GPR89B: variants seen among roughly 807,000 people sequenced by gnomAD.
GPR89B encodes the protein G protein-coupled receptor 89B.
In GPR89B, 25 loss-of-function variants were observed where a neutral mutation model predicts 52.4. The observed-to-expected ratio is 0.48, with a 90% CI of 0.35 to 0.67. GPR89B has a LOEUF of 0.67. Among genes scored for constraint, GPR89B ranks in the 30% least tolerant of loss-of-function variants. GPR89B has a pLI of 0.01. For synonymous variants in GPR89B, 52 were observed against 151.2 expected (o/e 0.34, Z 4.81); for missense variants, 146 against 450.2 (o/e 0.32, Z 6.11).
intron 5 of GPR89B, among the ~76,000 whole-genome samples, chr1:147,947,333 C>CAAA (rs1167267658): frequency 0.014 from 993 of 73,486 alleles, 3 homozygotes; most frequent in East Asian, 0.069. Context: ...GCGAGACTCT[C>CAAA]AAAAAAAAAA....
intron 7 of GPR89B, among the ~76,000 whole-genome samples, chr1:147,956,615 G>A (rs1656131506): frequency 4.6e-5 from 7 of 151,990 alleles, no homozygotes; most frequent in Admixed American, 4.6e-4. Context: ...GAAAGACCTG[G>A]ACACTGAAAA....
chr1:148,012,519 C>T, the GPR89B span, among the ~76,000 whole-genome samples: 1 of 150,672 alleles, frequency 6.6e-6, no homozygotes, highest in African/African-American at 2.5e-5. Context: ...CCCCGCAGCC[C>T]CCTCCTCTTT....
At chr1:147,936,478 A>T in intron 1 of GPR89B, 149 bp from the exon 2 acceptor site, 1 of 652,486 alleles carries the variant, frequency 1.5e-6, no homozygotes, top group Non-Finnish European at 2.7e-6. Context: ...ATGAGCTTTA[A>T]TAAGTAGGTC....
At chr1:147,983,484 AAAAC>A (rs1315428916) in intron 10 of GPR89B, among the ~76,000 whole-genome samples, 7 of 151,262 alleles carry the variant, frequency 4.6e-5, no homozygotes, top group South Asian at 2.1e-4. Context: ...TTACAAGAAA[AAAAC>A]AAACAACCCC....
the GPR89B span, among the ~76,000 whole-genome samples, chr1:148,017,037 C>CTTTCTT: frequency 4.0e-5 from 6 of 151,864 alleles, no homozygotes; most frequent in East Asian, 5.8e-4. Context: ...TGCTTTCTAT[C>CTTTCTT]TTTCTTTTTC....
chr1:148,025,731 TAAG>T, the GPR89B span: 1 of 138,288 alleles, frequency 7.2e-6, no homozygotes, highest in African/African-American at 2.8e-5. Context: ...GGTGTCCATA[TAAG>T]AAGAGGAAGG....
chr1:147,948,756 ATTTTTT>A (rs199854363), intron 5 of GPR89B, among the ~76,000 whole-genome samples: 30 of 138,298 alleles, frequency 2.2e-4, no homozygotes, highest in African/African-American at 8.0e-4. Context: ...AGATAAAATA[ATTTTTT>A]TTTTTTTTTT....
At chr1:147,977,233 CAAAAAAAAAAAAAAAAAAAA>C (rs1191631857) in intron 10 of GPR89B, among the ~76,000 whole-genome samples, 1 of 41,308 alleles carries the variant, frequency 2.4e-5, no homozygotes, top group Non-Finnish European at 4.2e-5. Flanking sequence ...GACTCCATCT[CAAAAAAAAAAAAAAAAAAAA>C]AAAAAAAAAC....
intron 5 of GPR89B, among the ~76,000 whole-genome samples, chr1:147,950,744 A>G (rs1275014733): frequency 1.3e-5 from 2 of 152,152 alleles, no homozygotes; most frequent in African/African-American, 4.8e-5. Flanking sequence ...CAGCCCGGCC[A>G]ACACAGTGAA....
Position 147,989,322 on chromosome 1 carries a change from C to T in GPR89B, c.1095+801C>T, listed in dbSNP as rs1193897117. 6.9e-3 allele frequency among the ~76,000 whole-genome samples: 1,044 copies of T among 152,248 alleles called. 7 individuals carry two copies. The highest frequency in any genetic ancestry group is 0.012 in the Admixed American group (179 of 15,296). On this transcript the variant is annotated intron_variant, in intron 12 of 13. Transcript: ENST00000314163. Reference sequence around the variant, plus strand: ...TTTCATTCAACATTTCATTATAATGCTGTGAGAAAAATGTAGTTTTGTTAT... The same window carrying T: ...TTTCATTCAACATTTCATTATAATGTTGTGAGAAAAATGTAGTTTTGTTAT...
chr1:147,979,971 A>G (rs1225213855), intron 10 of GPR89B, among the ~76,000 whole-genome samples: 1 of 151,414 alleles, frequency 6.6e-6, no homozygotes, highest in African/African-American at 2.4e-5. Flanking sequence ...CTGTGTTCCC[A>G]GCTACTCAGG....
chr1:147,928,782 T>C (rs1571206127), intron 1 of GPR89B: 3 of 470,212 alleles, frequency 6.4e-6, no homozygotes, highest in Non-Finnish European at 8.3e-6. Flanking sequence ...CCTGCGGCCG[T>C]CCGCGTCCCC....
At chr1:148,021,403 G>C in the GPR89B span, among the ~76,000 whole-genome samples, 3 of 151,918 alleles carry the variant, frequency 2.0e-5, no homozygotes, top group Non-Finnish European at 4.4e-5. Context: ...TCAGGAGGCC[G>C]AGGCGGGAGA....
the GPR89B span, among the ~76,000 whole-genome samples, chr1:148,006,961 C>T: frequency 4.7e-4 from 71 of 151,862 alleles, no homozygotes; most frequent in South Asian, 5.0e-3. Context: ...AGGTAATCCA[C>T]TCGCCTCGCA....
intron 5 of GPR89B, among the ~76,000 whole-genome samples, chr1:147,948,918 T>C (rs1655250566): frequency 6.6e-6 from 1 of 152,108 alleles, no homozygotes. Flanking sequence ...CCTTCCGCAG[T>C]GTTTGTGTCC....
rs1236670376 is a variant in GPR89B, at chr1:147,977,461, G to A, written c.909+7502G>A. On this transcript the variant is annotated intron_variant, in intron 10 of 13. Coordinates refer to ENST00000314163, the MANE Select transcript of GPR89B (RefSeq NM_016334.5). ...TGATCTTCTCATGGAGTATTTTACT[G>A]GAGTTCTCTGGATTTCCTGAATTTG... Among the ~76,000 whole-genome samples the A allele has an allele frequency of 1.1e-4, 16 of 151,762 alleles. No individual in the cohort carries two copies. The East Asian group carries it at 2.1e-3, about 20-fold the overall frequency.
At chr1:147,958,147 ACAGT>A (rs1484130220) in intron 7 of GPR89B, among the ~76,000 whole-genome samples, 7 of 151,856 alleles carry the variant, frequency 4.6e-5, no homozygotes, top group Admixed American at 2.0e-4. Context: ...GTCAGTAAAG[ACAGT>A]CAGTAAAGAC....
intron 5 of GPR89B, among the ~76,000 whole-genome samples, chr1:147,946,635 C>G (rs1349897267): frequency 2.6e-5 from 4 of 152,042 alleles, no homozygotes; most frequent in Non-Finnish European, 5.9e-5. Context: ...GTCTCACATG[C>G]ACTACAAAGA....
downstream of GPR89B, chr1:147,995,638 T>TATTC (rs1659299004): frequency 6.2e-7 from 1 of 1,609,036 alleles, no homozygotes; most frequent in Non-Finnish European, 8.5e-7. Context: ...ACTCCACCAC[T>TATTC]ATTCCTTCTT....
Sources: allele counts gnomAD v4.1 joint callset (sites outside exome capture counted in the v4.1 genomes callset), GRCh38; gene constraint gnomAD v4.1.1; transcripts MANE v1.5; gene names NCBI Gene and HGNC (gene_info 2026-07-23, HGNC 2026-07-21).